The following TRPM3 variants were observed in gnomAD, a reference collection of about 807,000 sequenced individuals.
TRPM3 encodes transient receptor potential cation channel subfamily M member 3.
In TRPM3, 77 loss-of-function variants were observed where a neutral mutation model predicts 181.2. The ratio of observed to expected loss-of-function variants is 0.42; its 90% CI spans 0.35 to 0.51. The LOEUF is 0.51. Ranked by LOEUF, TRPM3 falls within the 20% of genes least tolerant of loss-of-function variation. TRPM3 has a pLI of 0.01. For missense variants in TRPM3, 1,759 were observed against 2,196.7 expected (o/e 0.80, Z 3.98); for synonymous variants, 745 against 796.4 (o/e 0.94, Z 1.09).
intron 8 of TRPM3, among the ~76,000 whole-genome samples, chr9:70,700,639 C>T (rs2072209732): frequency 6.6e-6 from 1 of 152,186 alleles, no homozygotes; most frequent in African/African-American, 2.4e-5. Context: ...AGGCTGTCAA[C>T]AGCTTTTTAG....
At chr9:70,571,426 C>T (rs1459533808) in intron 22 of TRPM3, among the ~76,000 whole-genome samples, 1 of 152,156 alleles carries the variant, frequency 6.6e-6, no homozygotes, top group African/African-American at 2.4e-5. Flanking sequence ...GCTGGAGGCC[C>T]TGTACCTTGG....
intron 16 of TRPM3, 106 bp from the exon 17 acceptor site, chr9:70,619,201 G>A: frequency 1.1e-6 from 1 of 880,398 alleles, no homozygotes; most frequent in Non-Finnish European, 1.8e-6. Context: ...GGATGATGTA[G>A]GTGTTTCATA....
chr9:71,024,717 T>C (rs1565000942), intron 1 of TRPM3, among the ~76,000 whole-genome samples: 1 of 152,258 alleles, frequency 6.6e-6, no homozygotes, highest in South Asian at 2.1e-4. Context: ...AGAAAAGTTC[T>C]TGGCATTCAG....
At chr9:70,801,042 CTGAGG>C (rs2088850805) in intron 6 of TRPM3, among the ~76,000 whole-genome samples, 1 of 152,182 alleles carries the variant, frequency 6.6e-6, no homozygotes, top group Non-Finnish European at 1.5e-5. Context: ...TTGTCTCTCA[CTGAGG>C]TGACCACAGA....
At chr9:71,353,703 C>CAGT (rs2091768207) in intron 1 of TRPM3, among the ~76,000 whole-genome samples, 1 of 152,112 alleles carries the variant, frequency 6.6e-6, no homozygotes, top group Non-Finnish European at 1.5e-5. Flanking sequence ...CCTCTGTACC[C>CAGT]AGTTCAGACC....
chr9:71,254,109 G>A (rs547968060), intron 1 of TRPM3, among the ~76,000 whole-genome samples: 2 of 152,034 alleles, frequency 1.3e-5, no homozygotes, highest in South Asian at 2.1e-4. Flanking sequence ...TAGTAGAGAC[G>A]GTGTTTCACC....
chr9:70,907,802 G>A (rs866713738), intron 1 of TRPM3, among the ~76,000 whole-genome samples: 6 of 152,100 alleles, frequency 3.9e-5, no homozygotes, highest in South Asian at 2.1e-4. Context: ...GAGAACATAC[G>A]GTATTTGGTT....
chr9:70,834,028 C>T (rs1485959569), intron 5 of TRPM3, among the ~76,000 whole-genome samples: 5 of 152,154 alleles, frequency 3.3e-5, no homozygotes, highest in Non-Finnish European at 4.4e-5. Context: ...ACAATTATAG[C>T]GAGGCCAGAG....
Position 71,047,837 on chromosome 9 carries a change from C to T in TRPM3, c.177+73341G>A, listed in dbSNP as rs1180434588. On this transcript the variant is annotated intron_variant, in intron 1 of 25. Transcript: ENST00000677713. ...ACACACACACACACACACACACACA[C>T]ACACACACACACACACACACACTCA... Among the ~76,000 whole-genome samples the T allele has an allele frequency of 2.6e-5, 4 of 151,550 alleles. No individual in the cohort carries two copies. In the East Asian group the frequency reaches 7.8e-4, roughly 29 times the overall value.
chr9:70,889,842 C>T (rs183846966), intron 1 of TRPM3, among the ~76,000 whole-genome samples: 1 of 150,952 alleles, frequency 6.6e-6, no homozygotes, highest in East Asian at 1.9e-4. Context: ...GGAAACAGTA[C>T]AGAAAAGTAT....
At chr9:70,778,402 C>A (rs1328146) in intron 7 of TRPM3, among the ~76,000 whole-genome samples, 90 of 152,124 alleles carry the variant, frequency 5.9e-4, no homozygotes, top group East Asian at 1.7e-3. Context: ...AGCTAGGGCC[C>A]TGCCTTATTC....
intron 22 of TRPM3, among the ~76,000 whole-genome samples, chr9:70,569,847 A>G (rs2051713909): frequency 1.3e-5 from 2 of 152,158 alleles, no homozygotes. Flanking sequence ...TGATATATGT[A>G]TATTTATATA....
chr9:71,201,456 T>C (rs548577049), intron 1 of TRPM3, among the ~76,000 whole-genome samples: 1 of 152,334 alleles, frequency 6.6e-6, no homozygotes, highest in Non-Finnish European at 1.5e-5. Context: ...CTGGATAATA[T>C]CCTGCAGAGT....
At chr9:71,017,435 C>A (rs1300035741) in intron 1 of TRPM3, among the ~76,000 whole-genome samples, 1 of 151,644 alleles carries the variant, frequency 6.6e-6, no homozygotes, top group Non-Finnish European at 1.5e-5. Context: ...ACTAAAAATT[C>A]CCCACAAAAC....
At chr9:70,544,267 TA>T in intron 25 of TRPM3, among the ~76,000 whole-genome samples, 1 of 152,204 alleles carries the variant, frequency 6.6e-6, no homozygotes, top group East Asian at 1.9e-4. Flanking sequence ...GGCAGCATTA[TA>T]AAATGGCTCA....
chr9:71,213,793 G>A (rs1489602440), intron 1 of TRPM3, among the ~76,000 whole-genome samples: 5 of 152,072 alleles, frequency 3.3e-5, no homozygotes, highest in African/African-American at 1.2e-4. Flanking sequence ...ACTCCAGTAG[G>A]TCTATAATTA....
chr9:70,581,888 CTCCCTTCCTCCT>C (rs1451802638), intron 22 of TRPM3, among the ~76,000 whole-genome samples: 3 of 151,604 alleles, frequency 2.0e-5, no homozygotes, highest in Admixed American at 2.0e-4. Flanking sequence ...GTCTCCCTCC[CTCCCTTCCTCCT>C]TCCCTCCCTT....
chr9:70,884,234 C>T (rs1366697358), intron 1 of TRPM3, among the ~76,000 whole-genome samples: 1 of 152,068 alleles, frequency 6.6e-6, no homozygotes, highest in Non-Finnish European at 1.5e-5. Context: ...TTTGTATGTT[C>T]CTTCTGTATT....
At chr9:71,105,289 A>T (rs1378298922) in intron 1 of TRPM3, among the ~76,000 whole-genome samples, 1 of 152,164 alleles carries the variant, frequency 6.6e-6, no homozygotes, top group Admixed American at 6.5e-5. Context: ...GTGATGGCCA[A>T]TCAGATGTGG....
Sources: allele counts gnomAD v4.1 joint callset (sites outside exome capture counted in the v4.1 genomes callset), GRCh38; gene constraint gnomAD v4.1.1; transcripts MANE v1.5; gene names NCBI Gene and HGNC (gene_info 2026-07-23, HGNC 2026-07-21).